Variants in KLHL7 observed in about 807,000 individuals in gnomAD.
KLHL7 encodes kelch-like protein 7.
KLHL7 carries 44 observed loss-of-function variants against 67.4 expected under a neutral mutation model. That is an observed-to-expected ratio of 0.65 (90% confidence interval 0.51 to 0.84). KLHL7 has a LOEUF of 0.84. Ranked by LOEUF, KLHL7 falls within the 40% of genes least tolerant of loss-of-function variation. The pLI, the probability that KLHL7 is intolerant of heterozygous loss-of-function variation, is 0.00. For synonymous variants in KLHL7, 252 were observed against 243.3 expected (o/e 1.04, Z -0.33); for missense variants, 362 against 718.1 (o/e 0.50, Z 5.67).
chr7:23,142,226 T>C (rs1449131359), intron 5 of KLHL7, among the ~76,000 whole-genome samples: 7 of 152,218 alleles, frequency 4.6e-5, no homozygotes, highest in Admixed American at 1.3e-4. Flanking sequence ...ACTCACTTAA[T>C]CTCTCTTTTC....
intron 1 of KLHL7, among the ~76,000 whole-genome samples, chr7:23,110,054 C>T (rs183841650): frequency 6.6e-6 from 1 of 152,302 alleles, no homozygotes; most frequent in Non-Finnish European, 1.5e-5. Context: ...TGGAAAATAT[C>T]TCACTGGGCA....
At position 23,124,677 on chromosome 7, in the gene KLHL7, C is replaced by G; in HGVS notation, c.224-11C>G. 1 of 1,560,144 alleles carries G rather than the reference C, an allele frequency of 6.4e-7. No homozygotes were observed. On this transcript the variant is annotated splice_polypyrimidine_tract_variant and intron_variant, in intron 2 of 10. Transcript: ENST00000339077. ...TACAGATGCCATTTATGTTTCTTCT[C>G]TTCATTGTAGCTAACATGCTTGAAT...
At chr7:23,171,417 T>G (rs1320300210) in intron 9 of KLHL7, among the ~76,000 whole-genome samples, 1 of 152,202 alleles carries the variant, frequency 6.6e-6, no homozygotes, top group Non-Finnish European at 1.5e-5. Flanking sequence ...TTTTAATGCA[T>G]GATGATAGCT....
chr7:23,166,796 T>G (rs1039980958), intron 8 of KLHL7, among the ~76,000 whole-genome samples: 10 of 152,198 alleles, frequency 6.6e-5, no homozygotes, highest in Admixed American at 3.3e-4. Context: ...GTAACTGTTC[T>G]GTGGTACTGC....
In KLHL7 at chr7:23,168,031, C is replaced by T. The variant is rs567590655; in HGVS notation, c.1373C>T (p.Thr458Ile). 1.9e-6 allele frequency: 3 copies of T among 1,613,350 alleles called. No individual in the cohort carries two copies. Among genetic ancestry groups the T allele is most frequent in the African/African-American group, 2.7e-5 (2 of 75,048 alleles). Reference protein sequence around the residue: ...LNSCEVYDPATETWTELCPMI... With the variant: ...LNSCEVYDPAIETWTELCPMI... The stretch of plus-strand genomic sequence containing the variant: ...TCCTGTGAAGTTTATGATCCTGCCA[C>T]AGAAACGTATGTATCTATTTAAAAT... Residue 458 changes from threonine (T) to isoleucine (I), a missense_variant, in exon 9 of 11, where the codon ACA becomes ATA. Around this residue, in one of 5 missense-constraint regions of KLHL7, gnomAD observed 136 missense variants for 252.7 expected, o/e 0.54. Transcript: ENST00000339077.
In KLHL7 at chr7:23,105,813, G is replaced by A. The variant is rs771001790; in HGVS notation, c.-214G>A. The A allele has an allele frequency of 3.1e-6, 2 of 650,008 alleles. No homozygotes were observed. Among genetic ancestry groups the A allele is most frequent in the Non-Finnish European group, 5.3e-6 (2 of 380,742 alleles). The allele number at this position is 650,008 out of a possible 1,614,324, so 40.3% of individuals were successfully genotyped here. On this transcript the variant is annotated 5_prime_UTR_variant, in exon 1 of 11. Coordinates refer to ENST00000339077, the MANE Select transcript of KLHL7 (RefSeq NM_001031710.3). Reference sequence around the variant, plus strand: ...TTCTGCCCGGGGACGCAGCCCAGTTGGTAGCGTCGCTCCCTGAGCGTTTCT... The same window carrying A: ...TTCTGCCCGGGGACGCAGCCCAGTTAGTAGCGTCGCTCCCTGAGCGTTTCT...
At chr7:23,142,827 A>G (rs767205875) in intron 5 of KLHL7, among the ~76,000 whole-genome samples, 3 of 152,254 alleles carry the variant, frequency 2.0e-5, no homozygotes, top group Admixed American at 6.5e-5. Context: ...TAATGACTAC[A>G]TGTAATATGG....
intron 7 of KLHL7, 132 bp downstream of exon 7, chr7:23,152,341 T>A: frequency 4.9e-6 from 4 of 814,236 alleles, no homozygotes; most frequent in Non-Finnish European, 8.3e-6. Context: ...TCACATATGT[T>A]ATGAGATACA....
intron 1 of KLHL7, among the ~76,000 whole-genome samples, chr7:23,119,761 T>C (rs1336814496): frequency 6.6e-6 from 1 of 152,146 alleles, no homozygotes; most frequent in African/African-American, 2.4e-5. Context: ...ATTATTTTGT[T>C]GCTTCTATGA....
intron 4 of KLHL7, among the ~76,000 whole-genome samples, chr7:23,127,833 A>G (rs1783632575): frequency 1.3e-5 from 2 of 149,014 alleles, no homozygotes; most frequent in South Asian, 2.1e-4. Context: ...AGATCTTGCC[A>G]CTGCACTCCA....
At chr7:23,106,353 G>C in intron 1 of KLHL7, 15 of 1,412,526 alleles carry the variant, frequency 1.1e-5, no homozygotes, top group Non-Finnish European at 1.4e-5. Flanking sequence ...CTCGTCTGCC[G>C]AGGATGTAGC....
intron 7 of KLHL7, among the ~76,000 whole-genome samples, chr7:23,155,124 A>G (rs1056581607): frequency 6.6e-6 from 1 of 152,072 alleles, no homozygotes; most frequent in Non-Finnish European, 1.5e-5. Context: ...CTATTCCTTC[A>G]TCTCCAGAAT....
intron 4 of KLHL7, among the ~76,000 whole-genome samples, chr7:23,136,985 G>T (rs1014253839): frequency 2.6e-5 from 4 of 152,120 alleles, no homozygotes; most frequent in African/African-American, 9.7e-5. Context: ...TAAAAAATAT[G>T]ATTTAAAATA....
At chr7:23,127,676 G>A (rs1158460310) in intron 4 of KLHL7, among the ~76,000 whole-genome samples, 1 of 151,970 alleles carries the variant, frequency 6.6e-6, no homozygotes, top group East Asian at 1.9e-4. Flanking sequence ...GTACCAGCCT[G>A]GCCAACATGG....
chr7:23,117,694 A>C, intron 1 of KLHL7: 1 of 795,388 alleles, frequency 1.3e-6, no homozygotes, highest in African/African-American at 1.7e-5. Flanking sequence ...TTTTCTGACA[A>C]ATGTGATTTC....
At chr7:23,129,222 A>C in intron 4 of KLHL7, 1 of 218,344 alleles carries the variant, frequency 4.6e-6, no homozygotes, top group Non-Finnish European at 9.1e-6. Flanking sequence ...TGGGGGCCCC[A>C]GACCTGGGCT....
intron 7 of KLHL7, among the ~76,000 whole-genome samples, chr7:23,158,397 A>G (rs527678224): frequency 6.6e-6 from 1 of 152,288 alleles, no homozygotes; most frequent in Non-Finnish European, 1.5e-5. Flanking sequence ...AGACCATGTC[A>G]CCAATAATTA....
At chr7:23,154,208 G>T (rs760748780) in intron 7 of KLHL7, among the ~76,000 whole-genome samples, 14 of 152,020 alleles carry the variant, frequency 9.2e-5, no homozygotes, top group Non-Finnish European at 1.9e-4. Flanking sequence ...ACAAAAAATT[G>T]GCTGGGCATG....
chr7:23,142,679 T>C (rs1384213490), intron 5 of KLHL7, among the ~76,000 whole-genome samples: 1 of 151,986 alleles, frequency 6.6e-6, no homozygotes, highest in Non-Finnish European at 1.5e-5. Context: ...ATAACCTCAG[T>C]CTAATAAGTA....
Sources: allele counts gnomAD v4.1 joint callset (sites outside exome capture counted in the v4.1 genomes callset), GRCh38; gene constraint gnomAD v4.1.1; regional missense constraint gnomAD v4.1.1; transcripts MANE v1.5; gene names NCBI Gene and HGNC (gene_info 2026-07-23, HGNC 2026-07-21).